Variants in CPVL observed in about 807,000 individuals in gnomAD.
CPVL encodes the protein carboxypeptidase vitellogenic like.
CPVL carries 51 observed loss-of-function variants against 63.7 expected under a neutral mutation model. That is an observed-to-expected ratio of 0.80 (90% CI 0.64 to 1.01). CPVL has a LOEUF of 1.01. Among genes scored for constraint, CPVL ranks in the 50% least tolerant of loss-of-function variants. The pLI, the probability that CPVL is intolerant of heterozygous loss-of-function variation, is 0.00. For missense variants in CPVL, 530 were observed against 573.1 expected (o/e 0.92, Z 0.77); for synonymous variants, 195 against 206.0 (o/e 0.95, Z 0.46).
At chr7:29,136,798 T>C (rs1040836912) in intron 1 of CPVL, among the ~76,000 whole-genome samples, 2 of 152,206 alleles carry the variant, frequency 1.3e-5, no homozygotes, top group African/African-American at 4.8e-5. Flanking sequence ...AACTTGTCCT[T>C]ACTTCCCTAT....
intron 1 of CPVL, among the ~76,000 whole-genome samples, chr7:29,191,173 C>G (rs1782848431): frequency 6.6e-6 from 1 of 152,138 alleles, no homozygotes; most frequent in South Asian, 2.1e-4. Flanking sequence ...CTCAAGGGAT[C>G]CTCCCACCTC....
chr7:29,180,044 C>T (rs1026098818), intron 5 of CPVL, among the ~76,000 whole-genome samples: 5 of 152,204 alleles, frequency 3.3e-5, no homozygotes, highest in Admixed American at 1.3e-4. Flanking sequence ...GTCCTTTCAT[C>T]AATGATGTAG....
rs184733719 is a variant in CPVL, at chr7:29,036,710, A to C, written c.1138-5951T>G. Among the ~76,000 whole-genome samples the C allele has an allele frequency of 5.9e-5, 9 of 152,304 alleles. No homozygotes were observed. In the East Asian group the frequency reaches 1.4e-3, roughly 23 times the overall value. On this transcript the variant is annotated intron_variant, in intron 11 of 12. Transcript: ENST00000265394. ...AAGCCTGGAATTCAAAATCACATGGAATTCCCCCACACTTAAATGCTAGAA... is the reference window on the plus strand; with the variant it reads ...AAGCCTGGAATTCAAAATCACATGGCATTCCCCCACACTTAAATGCTAGAA...
chr7:29,101,942 T>C (rs1568658), intron 3 of CPVL, among the ~76,000 whole-genome samples: 61,232 of 152,074 alleles, frequency 0.4, 14,308 homozygotes, highest in African/African-American at 0.64. Flanking sequence ...TCAATACATA[T>C]CATTATTTTG....
intron 1 of CPVL, among the ~76,000 whole-genome samples, chr7:29,123,405 C>G (rs73684595): frequency 0.13 from 20,409 of 151,404 alleles, 1,368 homozygotes; most frequent in African/African-American, 0.15. Flanking sequence ...TTGCCTATTA[C>G]TGACTATAAT....
chr7:29,173,644 T>G (rs1796894644), intron 5 of CPVL, among the ~76,000 whole-genome samples: 1 of 152,076 alleles, frequency 6.6e-6, no homozygotes, highest in Non-Finnish European at 1.5e-5. Flanking sequence ...GAGGGGGTTG[T>G]TGCCATGGAG....
At chr7:29,019,090 G>C (rs941404620) in intron 12 of CPVL, among the ~76,000 whole-genome samples, 1 of 152,006 alleles carries the variant, frequency 6.6e-6, no homozygotes, top group African/African-American at 2.4e-5. Context: ...TGTAAGCATA[G>C]AGAGCATTAT....
At chr7:29,183,450 C>T (rs1338611448) in intron 4 of CPVL, among the ~76,000 whole-genome samples, 3 of 151,276 alleles carry the variant, frequency 2.0e-5, no homozygotes, top group Admixed American at 6.6e-5. Context: ...GATCTCGGCT[C>T]ACTGCAACTT....
intron 5 of CPVL, among the ~76,000 whole-genome samples, chr7:29,166,105 A>G (rs1230175385): frequency 6.6e-6 from 1 of 152,070 alleles, no homozygotes; most frequent in Non-Finnish European, 1.5e-5. Flanking sequence ...ATATCAGCTC[A>G]CTGTAGCCTT....
chr7:29,078,257 T>C (rs961780788), intron 7 of CPVL, among the ~76,000 whole-genome samples: 2 of 152,228 alleles, frequency 1.3e-5, no homozygotes, highest in Non-Finnish European at 2.9e-5. Context: ...CACATAAACT[T>C]ATGCAAAAAT....
rs762437906 is a variant in CPVL at position 29,112,681 on chromosome 7, TGTTC to T, written c.288+19_288+22del. ...CGGCAAGCCAGGTCTTGAACACTGG[TGTTC>T]TTTCTGTTGGGCACCTACCTGAGCT... On this transcript the variant is annotated intron_variant, in intron 3 of 12. Coordinates refer to ENST00000265394, the MANE Select transcript of CPVL (RefSeq NM_031311.5). The T allele has an allele frequency of 8.7e-6, 13 of 1,497,780 alleles. No homozygotes were observed. The highest frequency in any genetic ancestry group is 1.2e-5 in the Non-Finnish European group (13 of 1,074,782). 92.8% of individuals were successfully genotyped at this position (1,497,780 alleles called of 1,614,324 possible).
chr7:29,049,026 G>A (rs1247899425), intron 11 of CPVL, among the ~76,000 whole-genome samples: 1 of 151,988 alleles, frequency 6.6e-6, no homozygotes, highest in Non-Finnish European at 1.5e-5. Flanking sequence ...GGTGCTAAGA[G>A]GAAAGTTCAT....
chr7:29,112,649 C>G (rs979664228), intron 3 of CPVL, 55 bp downstream of exon 3: 2 of 1,153,490 alleles, frequency 1.7e-6, no homozygotes, highest in African/African-American at 1.5e-5. Context: ...ACATTTCTAC[C>G]CTCAAACGGC....
At position 29,002,866 on chromosome 7, in the gene CPVL, C is replaced by A. The variant is rs202121383; in HGVS notation, c.1321-6984G>T. Among the ~76,000 whole-genome samples, 1,231 of 123,208 alleles carry A rather than the reference C, an allele frequency of 1.0e-2. 2 individuals carry two copies. Among genetic ancestry groups the A allele is most frequent in the African/African-American group, 0.017 (531 of 31,008 alleles). The allele number at this position is 123,208 out of a possible 152,430, so 80.8% of individuals were successfully genotyped here. ...CATGGAGAATAAAGGTATGAAAATTCAAAAAAAAAAAAAAAGAAGAAGAAG... is the reference window on the plus strand; with the variant it reads ...CATGGAGAATAAAGGTATGAAAATTAAAAAAAAAAAAAAAAGAAGAAGAAG... On this transcript the variant is annotated intron_variant, in intron 12 of 12. Transcript: ENST00000265394.
At chr7:29,175,395 C>G (rs759966762) in intron 5 of CPVL, among the ~76,000 whole-genome samples, 4 of 151,984 alleles carry the variant, frequency 2.6e-5, no homozygotes, top group Non-Finnish European at 5.9e-5. Flanking sequence ...AGGCTGGTCT[C>G]AAACTCCAGA....
chr7:29,054,894 C>G lies in CPVL; in HGVS notation c.1137+9167G>C, dbSNP rs117217076. Among the ~76,000 whole-genome samples the G allele has an allele frequency of 8.2e-3, 1,244 of 152,258 alleles. 11 individuals carry two copies. Among genetic ancestry groups the G allele is most frequent in the Non-Finnish European group, 0.012 (796 of 68,014 alleles). On this transcript the variant is annotated intron_variant, in intron 11 of 12. Transcript: ENST00000265394. ...GCACTGTCTAATCTACTCTTTAACCCATGCACTGAGTTTTAAATTCAACAA... is the reference window on the plus strand; with the variant it reads ...GCACTGTCTAATCTACTCTTTAACCGATGCACTGAGTTTTAAATTCAACAA...
At chr7:29,135,437 T>C (rs574043926) in intron 1 of CPVL, among the ~76,000 whole-genome samples, 4 of 152,032 alleles carry the variant, frequency 2.6e-5, no homozygotes, top group Admixed American at 6.5e-5. Context: ...GTTAAAGCTA[T>C]TCTCCTGCCT....
chr7:29,116,208 C>A (rs917943399), intron 2 of CPVL, among the ~76,000 whole-genome samples: 2 of 152,220 alleles, frequency 1.3e-5, no homozygotes, highest in Non-Finnish European at 2.9e-5. Flanking sequence ...CCTCCTAAGG[C>A]AGACCTTGCT....
At chr7:29,055,422 T>C (rs1180725166) in intron 11 of CPVL, among the ~76,000 whole-genome samples, 1 of 152,140 alleles carries the variant, frequency 6.6e-6, no homozygotes, top group African/African-American at 2.4e-5. Context: ...GCTAATTTTT[T>C]ACTTTTTTAG....
Sources: allele counts gnomAD v4.1 joint callset (sites outside exome capture counted in the v4.1 genomes callset), GRCh38; gene constraint gnomAD v4.1.1; transcripts MANE v1.5; gene names NCBI Gene and HGNC (gene_info 2026-07-23, HGNC 2026-07-21).